Variants in SRD5A2 observed in about 807,000 individuals in gnomAD.
SRD5A2 encodes steroid 5 alpha-reductase 2, also known as 3-oxo-5-alpha-steroid 4-dehydrogenase 2.
A neutral mutation model predicts 27.4 loss-of-function variants in SRD5A2; 30 were observed. The observed-to-expected ratio is 1.10, with a 90% CI of 0.82 to 1.49. The LOEUF (loss-of-function observed/expected upper bound fraction) is 1.49. Ranked by LOEUF, SRD5A2 falls within the 40% of genes most tolerant of loss-of-function variation. The pLI, the probability that SRD5A2 is intolerant of heterozygous loss-of-function variation, is 0.00. For missense variants in SRD5A2, 348 were observed against 323.4 expected (o/e 1.08, Z -0.58); for synonymous variants, 141 against 133.6 (o/e 1.06, Z -0.38).
chr2:31,658,755 G>C, the SRD5A2 span, among the ~76,000 whole-genome samples: 1 of 151,876 alleles, frequency 6.6e-6, no homozygotes, highest in South Asian at 2.1e-4. Flanking sequence ...AAAAGTTCAG[G>C]CCAGATGAAT....
the SRD5A2 span, among the ~76,000 whole-genome samples, chr2:31,624,768 T>C: frequency 4.6e-5 from 7 of 152,210 alleles, no homozygotes; most frequent in African/African-American, 1.7e-4. Context: ...TGATGGACTT[T>C]TGGGCTGGTT....
chr2:31,605,700 T>C, the SRD5A2 span, among the ~76,000 whole-genome samples: 1 of 151,686 alleles, frequency 6.6e-6, no homozygotes, highest in East Asian at 1.9e-4. Flanking sequence ...GTTTGTGGAA[T>C]TGAAAATTAA....
chr2:31,589,855 G>A, the SRD5A2 span, among the ~76,000 whole-genome samples: 9 of 152,136 alleles, frequency 5.9e-5, no homozygotes. Flanking sequence ...CAGTGGGAAG[G>A]ATTGTAGCCT....
Position 31,529,475 on chromosome 2 carries a change from G to C in SRD5A2, c.548-18C>G. On this transcript the variant is annotated intron_variant, in intron 3 of 4. Coordinates refer to ENST00000622030, the MANE Select transcript of SRD5A2 (RefSeq NM_000348.4). ...CAAGCCACCTGCGTGCAGAAGAATC[G>C]GAAGGTCAATCATTGCAACTGAATC... The C allele has an allele frequency of 6.2e-7, 1 of 1,608,818 alleles. No individual in the cohort carries two copies. The highest frequency in any genetic ancestry group is 1.1e-5 in the South Asian group (1 of 90,170).
At chr2:31,602,511 C>T in the SRD5A2 span, among the ~76,000 whole-genome samples, 1 of 151,942 alleles carries the variant, frequency 6.6e-6, no homozygotes, top group Non-Finnish European at 1.5e-5. Flanking sequence ...CAATGCTATT[C>T]CCATTAAACT....
chr2:31,586,158 C>T, the SRD5A2 span, among the ~76,000 whole-genome samples: 13 of 152,078 alleles, frequency 8.5e-5, no homozygotes, highest in East Asian at 3.8e-4. Context: ...AAGCGGTGTA[C>T]GCCGTACCCA....
the SRD5A2 span, among the ~76,000 whole-genome samples, chr2:31,602,166 T>C: frequency 2.0e-5 from 3 of 152,084 alleles, no homozygotes; most frequent in South Asian, 2.1e-4. Flanking sequence ...GAAAACCCCA[T>C]TGTCTCAGCC....
chr2:31,645,839 C>A, the SRD5A2 span, among the ~76,000 whole-genome samples: 1 of 152,002 alleles, frequency 6.6e-6, no homozygotes, highest in Admixed American at 6.6e-5. Context: ...TGTGTGTGTA[C>A]GTGTGTGTGG....
At position 31,564,247 on chromosome 2, in the gene SRD5A2, A is replaced by G. The variant is rs184826893; in HGVS notation, c.281+16373T>C. ...AAGACCGAAATCCAAAATTCTAGAG[A>G]TGGAAACTACAATCCCTGAGATAAA... is the stretch of plus-strand genomic sequence containing the variant. On this transcript the variant is annotated intron_variant, in intron 1 of 4. Coordinates refer to ENST00000622030, the MANE Select transcript of SRD5A2 (RefSeq NM_000348.4). 3.3e-5 allele frequency among the ~76,000 whole-genome samples: 5 copies of G among 152,198 alleles called. No homozygotes were observed. The East Asian group carries it at 7.7e-4, about 23-fold the overall frequency.
the SRD5A2 span, among the ~76,000 whole-genome samples, chr2:31,634,785 T>C: frequency 7.6e-4 from 115 of 152,262 alleles, no homozygotes; most frequent in East Asian, 9.7e-4. Context: ...TCATGCGATA[T>C]TTGTTTTTCT....
At chr2:31,621,022 G>A in the SRD5A2 span, among the ~76,000 whole-genome samples, 1 of 148,174 alleles carries the variant, frequency 6.7e-6, no homozygotes, top group Non-Finnish European at 1.5e-5. Flanking sequence ...GCAAATAATG[G>A]ATTTTTAAAA....
Position 31,580,806 on chromosome 2 carries a change from C to A in SRD5A2, c.95G>T (p.Gly32Val), listed in dbSNP as rs1328422263. The A allele has an allele frequency of 6.2e-6, 10 of 1,612,400 alleles. No individual in the cohort carries two copies. The Admixed American group carries it at 1.7e-4, about 27-fold the overall frequency. The change falls in exon 1 of 5, where the codon GGC becomes GTC. Residue 32 changes from glycine (G) to valine (V), a missense_variant. By Grantham distance (109) the Gly-to-Val change is moderately radical. Coordinates refer to ENST00000622030, the MANE Select transcript of SRD5A2 (RefSeq NM_000348.4). ...ALALYVAKPS[G>V]YGKHTESLKP... is the part of the protein sequence containing the mutation. ...CAGGCTCTCCGTGTGCTTCCCGTAG[C>A]CGGAGGGCTTCGCGACGTACAAGGC...
the SRD5A2 span, among the ~76,000 whole-genome samples, chr2:31,589,219 T>C: frequency 1.3e-5 from 2 of 152,112 alleles, no homozygotes; most frequent in African/African-American, 2.4e-5. Flanking sequence ...CTGTAGACAC[T>C]TCCACTGAAC....
chr2:31,591,854 G>A, the SRD5A2 span, among the ~76,000 whole-genome samples: 7 of 127,944 alleles, frequency 5.5e-5, no homozygotes, highest in African/African-American at 1.8e-4. Context: ...ACCAAACACC[G>A]CATGTTTTCA....
intron 4 of SRD5A2, chr2:31,527,088 C>T (rs1572627597): frequency 6.6e-6 from 1 of 152,238 alleles, no homozygotes; most frequent in African/African-American, 2.4e-5. Flanking sequence ...GGGGCCTGGC[C>T]CTGCCTACGC....
chr2:31,538,730 G>A (rs968431433), intron 1 of SRD5A2, among the ~76,000 whole-genome samples: 6 of 152,122 alleles, frequency 3.9e-5, no homozygotes, highest in African/African-American at 1.2e-4. Flanking sequence ...ACCACCTTAT[G>A]TAAAATAAAT....
the SRD5A2 span, among the ~76,000 whole-genome samples, chr2:31,598,341 T>C: frequency 9.3e-4 from 142 of 152,056 alleles, 1 homozygote; most frequent in Middle Eastern, 3.4e-3. Flanking sequence ...ACATAATGGG[T>C]GCAGTGTACC....
At chr2:31,632,269 G>A in the SRD5A2 span, among the ~76,000 whole-genome samples, 1 of 152,180 alleles carries the variant, frequency 6.6e-6, no homozygotes, top group Non-Finnish European at 1.5e-5. Context: ...ATGGCCCTCA[G>A]GCAAGTGGAC....
At chr2:31,558,268 T>A (rs1290667201) in intron 1 of SRD5A2, among the ~76,000 whole-genome samples, 1 of 152,226 alleles carries the variant, frequency 6.6e-6, no homozygotes, top group African/African-American at 2.4e-5. Flanking sequence ...TGGTTATCCC[T>A]TGACCTGTCC....
Sources: allele counts gnomAD v4.1 joint callset (sites outside exome capture counted in the v4.1 genomes callset), GRCh38; gene constraint gnomAD v4.1.1; transcripts MANE v1.5; gene names NCBI Gene and HGNC (gene_info 2026-07-23, HGNC 2026-07-21).